The following GOT2 variants were observed in gnomAD, a reference collection of about 807,000 sequenced individuals.
The protein encoded by GOT2 is glutamic-oxaloacetic transaminase 2, also known as aspartate aminotransferase, mitochondrial.
A neutral mutation model predicts 50.0 loss-of-function variants in GOT2; 17 were observed. The observed-to-expected ratio is 0.34, with a 90% CI of 0.23 to 0.51. GOT2 has a LOEUF of 0.51. GOT2 is among the 20% of genes least tolerant of loss of function. GOT2 has a pLI of 0.97. For synonymous variants in GOT2, 172 were observed against 204.9 expected, an observed-to-expected ratio of 0.84 and a Z score of 1.37; for missense variants, 430 against 559.6, an observed-to-expected ratio of 0.77 and a Z score of 2.34.
intron 3 of GOT2, 22 bp from the exon 4 acceptor site, chr16:58,719,277 T>G: frequency 6.3e-7 from 1 of 1,583,370 alleles, no homozygotes; most frequent in African/African-American, 1.3e-5. Context: ...ATACCCACGG[T>G]CAGTGATGTG....
intron 1 of GOT2, among the ~76,000 whole-genome samples, chr16:58,726,672 A>G (rs1055500803): frequency 6.7e-6 from 1 of 149,388 alleles, no homozygotes; most frequent in African/African-American, 2.5e-5. Flanking sequence ...TTGTATTTTT[A>G]GTAGAGACAA....
intron 1 of GOT2, among the ~76,000 whole-genome samples, chr16:58,726,483 C>CTTTATTTATTTATTTATTTA (rs56257846): frequency 0.01 from 1,517 of 144,654 alleles, 32 homozygotes; most frequent in African/African-American, 0.033. Flanking sequence ...CCCCGGCCTG[C>CTTTATTTATTTATTTATTTA]TTTATTTATT....
chr16:58,717,977 G>A (rs58703069), intron 6 of GOT2, among the ~76,000 whole-genome samples: 6,298 of 152,228 alleles, frequency 0.041, 378 homozygotes, highest in East Asian at 0.29. Flanking sequence ...GTGAGCCACC[G>A]CGCCCAGCCA....
At position 58,722,426 on chromosome 16, in the gene GOT2, A is replaced by G. The variant is rs963134687; in HGVS notation, c.247-148T>C. Reference sequence around the variant, plus strand: ...TGCTCTGTCACCCAGGCTGGAGTGCAGTAGTGTGATCTCGGCTCACTGCAA... The same window carrying G: ...TGCTCTGTCACCCAGGCTGGAGTGCGGTAGTGTGATCTCGGCTCACTGCAA... On this transcript the variant is annotated intron_variant, in intron 2 of 9. Coordinates refer to ENST00000245206, the MANE Select transcript of GOT2 (RefSeq NM_002080.4). 17 of 699,102 alleles carry G rather than the reference A, an allele frequency of 2.4e-5. No individual in the cohort carries two copies. In the Admixed American group the frequency reaches 3.3e-4, roughly 14 times the overall value. The allele number at this position is 699,102 out of a possible 1,614,324, so 43.3% of individuals were successfully genotyped here.
chr16:58,724,988 G>C (rs2044771797), intron 1 of GOT2, among the ~76,000 whole-genome samples: 1 of 152,160 alleles, frequency 6.6e-6, no homozygotes, highest in Non-Finnish European at 1.5e-5. Context: ...ATGCTGGTCA[G>C]GTATCTTGTA....
rs140248267 is a variant in GOT2, at chr16:58,711,249, G to A, written c.1020-1682C>T. 2.3e-3 allele frequency among the ~76,000 whole-genome samples: 346 copies of A among 152,238 alleles called. 1 individual carries two copies. Among genetic ancestry groups the A allele is most frequent in the African/African-American group, 8.0e-3 (332 of 41,544 alleles). On this transcript the variant is annotated intron_variant, in intron 8 of 9. Coordinates refer to ENST00000245206, the MANE Select transcript of GOT2 (RefSeq NM_002080.4). ...CAAGTATGGAATACGGCCACAAAATGTAAAACACATAGGACACTGCTATGC... is the reference window on the plus strand; with the variant it reads ...CAAGTATGGAATACGGCCACAAAATATAAAACACATAGGACACTGCTATGC...
chr16:58,716,439 T>C, intron 7 of GOT2: 1 of 604,078 alleles, frequency 1.7e-6, no homozygotes, highest in South Asian at 2.2e-5. Context: ...AGAGAAGCAG[T>C]AATCAGTTTC....
intron 7 of GOT2, 145 bp from the exon 8 acceptor site, chr16:58,716,324 A>T (rs370530477): frequency 3.8e-6 from 3 of 782,992 alleles, no homozygotes; most frequent in Admixed American, 6.3e-5. Context: ...TTCAACAACC[A>T]GAGTGGTGAA....
At position 58,709,477 on chromosome 16, in the gene GOT2, A is replaced by G. The variant is rs147577321; in HGVS notation, c.1110T>C (p.Asn370=). Residue 370 remains asparagine, a synonymous_variant, in exon 9 of 10, where the codon AAT becomes AAC. Transcript: ENST00000245206. Reference sequence around the variant, plus strand: ...CAATTTGGTCGGTGATGTGTTGCCAATTGTGGGTGGAACCCTCCTTCTTGA... The same window carrying G: ...CAATTTGGTCGGTGATGTGTTGCCAGTTGTGGGTGGAACCCTCCTTCTTGA... The part of the protein sequence containing the change: ...SNLKKEGSTH[N]WQHITDQIGM... 21 of 1,613,924 alleles carry G rather than the reference A, an allele frequency of 1.3e-5. No individual in the cohort carries two copies. Among genetic ancestry groups the G allele is most frequent in the African/African-American group, 2.7e-5 (2 of 74,942 alleles).
At chr16:58,724,551 T>C (rs1229395446) in intron 1 of GOT2, among the ~76,000 whole-genome samples, 2 of 152,152 alleles carry the variant, frequency 1.3e-5, no homozygotes, top group African/African-American at 4.8e-5. Context: ...ATTATTATTA[T>C]TATTTTTGAG....
At chr16:58,711,832 A>G (rs1022484934) in intron 8 of GOT2, among the ~76,000 whole-genome samples, 1 of 152,142 alleles carries the variant, frequency 6.6e-6, no homozygotes, top group Non-Finnish European at 1.5e-5. Flanking sequence ...ATGTGGAGCC[A>G]TCTTAGCCAA....
chr16:58,718,415 A>G, intron 5 of GOT2, 112 bp downstream of exon 5: 3 of 1,320,018 alleles, frequency 2.3e-6, no homozygotes, highest in Non-Finnish European at 3.2e-6. Flanking sequence ...GAACCCTGGG[A>G]ATCAGCTCTT....
intron 1 of GOT2, 93 bp from the exon 2 acceptor site, chr16:58,723,995 C>T: frequency 8.3e-7 from 1 of 1,202,678 alleles, no homozygotes. Context: ...GCTCTGTTGC[C>T]CAGGCTGGAG....
At chr16:58,727,230 G>A (rs2044794216) in intron 1 of GOT2, among the ~76,000 whole-genome samples, 1 of 152,178 alleles carries the variant, frequency 6.6e-6, no homozygotes. Flanking sequence ...CTAGACTCAA[G>A]CCATCCTCCC....
intron 8 of GOT2, among the ~76,000 whole-genome samples, chr16:58,710,967 CAA>C (rs35679170): frequency 2.2e-4 from 16 of 73,004 alleles, no homozygotes; most frequent in Non-Finnish European, 2.4e-4. Context: ...GACTCTGTCT[CAA>C]AAAAAAAAAA....
At chr16:58,711,436 A>G (rs532674704) in intron 8 of GOT2, among the ~76,000 whole-genome samples, 2 of 152,230 alleles carry the variant, frequency 1.3e-5, no homozygotes, top group African/African-American at 4.8e-5. Context: ...GCTCTCACCA[A>G]TGACATTCCC....
intron 1 of GOT2, among the ~76,000 whole-genome samples, chr16:58,732,738 G>C (rs927275816): frequency 1.1e-4 from 17 of 152,218 alleles, no homozygotes; most frequent in African/African-American, 4.1e-4. Context: ...AAGCACTAGA[G>C]CTTCAGGTGA....
chr16:58,721,999 C>G, intron 3 of GOT2, 151 bp downstream of exon 3: 1 of 669,232 alleles, frequency 1.5e-6, no homozygotes, highest in Non-Finnish European at 2.5e-6. Context: ...AGGCTGGTCT[C>G]GAACTCCCGA....
chr16:58,709,698 C>T (rs750968835), intron 8 of GOT2, 131 bp from the exon 9 acceptor site: 18 of 621,096 alleles, frequency 2.9e-5, no homozygotes, highest in East Asian at 2.1e-4. Context: ...ATGAGTGACA[C>T]GCTGTCACTG....
Sources: allele counts gnomAD v4.1 joint callset (sites outside exome capture counted in the v4.1 genomes callset), GRCh38; gene constraint gnomAD v4.1.1; transcripts MANE v1.5; gene names NCBI Gene and HGNC (gene_info 2026-07-23, HGNC 2026-07-21).